The following SH3PXD2A variants were observed in gnomAD, a reference collection of about 807,000 sequenced individuals.
SH3PXD2A encodes SH3 and PX domain-containing protein 2A.
Under a neutral mutation model 115.2 loss-of-function variants are expected in SH3PXD2A, and 32 were observed. That is an observed-to-expected ratio of 0.28 (90% CI 0.21 to 0.37). SH3PXD2A has a LOEUF of 0.37. Ranked by LOEUF, SH3PXD2A falls within the 10% of genes least tolerant of loss-of-function variation. SH3PXD2A has a pLI of 1.00. For synonymous variants in SH3PXD2A, 610 were observed against 629.1 expected, an observed-to-expected ratio of 0.97 and a Z score of 0.45; for missense variants, 1,328 against 1,498.7, an observed-to-expected ratio of 0.89 and a Z score of 1.88.
intron 4 of SH3PXD2A, among the ~76,000 whole-genome samples, chr10:103,729,005 T>C (rs952176938): frequency 2.6e-5 from 4 of 151,844 alleles, no homozygotes; most frequent in African/African-American, 9.7e-5. Flanking sequence ...GCGATTCTCC[T>C]GTCTCAGCCT....
chr10:103,815,925 T>C (rs2039319701), intron 1 of SH3PXD2A, among the ~76,000 whole-genome samples: 1 of 151,686 alleles, frequency 6.6e-6, no homozygotes, highest in Non-Finnish European at 1.5e-5. Context: ...AAAAATACTG[T>C]ATAATCTCAT....
intron 8 of SH3PXD2A, among the ~76,000 whole-genome samples, chr10:103,647,293 T>A (rs1239559062): frequency 6.6e-6 from 1 of 152,158 alleles, no homozygotes; most frequent in Admixed American, 6.5e-5. Flanking sequence ...TGTCTCTGGG[T>A]CAGAGTTCCT....
chr10:103,727,511 G>T (rs2038255266), intron 4 of SH3PXD2A, among the ~76,000 whole-genome samples: 1 of 152,144 alleles, frequency 6.6e-6, no homozygotes, highest in Admixed American at 6.5e-5. Flanking sequence ...TCATTGCCGG[G>T]TGACCACCCT....
At chr10:103,807,232 C>T (rs947305042) in intron 1 of SH3PXD2A, among the ~76,000 whole-genome samples, 2 of 152,190 alleles carry the variant, frequency 1.3e-5, no homozygotes, top group African/African-American at 4.8e-5. Flanking sequence ...CACAGCCCAA[C>T]CATTCCTAGA....
intron 1 of SH3PXD2A, among the ~76,000 whole-genome samples, chr10:103,804,228 T>A (rs1202484061): frequency 2.6e-5 from 4 of 151,800 alleles, no homozygotes; most frequent in Non-Finnish European, 5.9e-5. Flanking sequence ...GTCTTTCAGG[T>A]TCAATGTTAG....
intron 2 of SH3PXD2A, among the ~76,000 whole-genome samples, chr10:103,776,348 A>G (rs2038877556): frequency 6.7e-6 from 1 of 149,582 alleles, no homozygotes; most frequent in African/African-American, 2.5e-5. Context: ...AGCCATGATC[A>G]TGCCACTGCA....
At chr10:103,608,251 C>T (rs1336760898) in intron 13 of SH3PXD2A, among the ~76,000 whole-genome samples, 3 of 148,958 alleles carry the variant, frequency 2.0e-5, no homozygotes, top group Non-Finnish European at 3.0e-5. Context: ...TCCCGGAAGC[C>T]GGGAGAGAGG....
At chr10:103,685,041 C>T (rs1236569409) in intron 6 of SH3PXD2A, among the ~76,000 whole-genome samples, 1 of 147,708 alleles carries the variant, frequency 6.8e-6, no homozygotes, top group Admixed American at 6.8e-5. Flanking sequence ...AAAACAAAAA[C>T]AAAAACAAAA....
intron 14 of SH3PXD2A, among the ~76,000 whole-genome samples, chr10:103,604,397 G>A (rs1025928501): frequency 2.6e-5 from 4 of 152,232 alleles, no homozygotes; most frequent in African/African-American, 9.6e-5. Flanking sequence ...TTGGTTTCCT[G>A]TAGGAAGGGC....
At position 103,855,179 on chromosome 10, in the gene SH3PXD2A, C is replaced by G. The variant is rs1442318919; in HGVS notation, c.72+16G>C. ...CTCGGGCCACCCCCAGCAGGGTCGG[C>G]GGGGGCTGTACTCACGTAGTGCTTG... On this transcript the variant is annotated intron_variant, in intron 1 of 14. Coordinates refer to ENST00000369774, the MANE Select transcript of SH3PXD2A (RefSeq NM_001394015.1). The G allele has an allele frequency of 1.3e-6, 2 of 1,517,980 alleles. No individual in the cohort carries two copies. Among genetic ancestry groups the G allele is most frequent in the African/African-American group, 2.8e-5 (2 of 71,160 alleles). 94.0% of individuals were successfully genotyped at this position (1,517,980 alleles called of 1,614,324 possible).
At chr10:103,798,371 G>A (rs2039114925) in intron 2 of SH3PXD2A, among the ~76,000 whole-genome samples, 1 of 152,106 alleles carries the variant, frequency 6.6e-6, no homozygotes, top group African/African-American at 2.4e-5. Flanking sequence ...GTGCAGTGGT[G>A]CAATCATAGC....
chr10:103,617,142 G>T, intron 11 of SH3PXD2A, 55 bp downstream of exon 11: 1 of 1,293,142 alleles, frequency 7.7e-7, no homozygotes, highest in Non-Finnish European at 1.1e-6. Flanking sequence ...TTTGCACTCT[G>T]CCCAGGGCCC....
intron 5 of SH3PXD2A, among the ~76,000 whole-genome samples, chr10:103,708,589 G>C (rs774645793): frequency 6.6e-6 from 1 of 152,192 alleles, no homozygotes; most frequent in South Asian, 2.1e-4. Flanking sequence ...GCCAGTCCCT[G>C]CGAGATGAAG....
intron 6 of SH3PXD2A, among the ~76,000 whole-genome samples, chr10:103,682,656 C>T (rs569552681): frequency 1.3e-5 from 2 of 151,784 alleles, no homozygotes; most frequent in South Asian, 2.1e-4. Flanking sequence ...ATTCAGGAGG[C>T]GGAGGCAGGA....
chr10:103,605,870 C>T lies in SH3PXD2A; in HGVS notation c.1356G>A (p.Glu452=). The stretch of plus-strand genomic sequence containing the variant: ...ACTGGAATTCGGCAATGGTGTAGTA[C>T]TCCACCTCAACAGAAGGGGGCTCTG... ...KPPEPPSVEV[E]YYTIAEFQSC... The change falls in exon 14 of 15, where the codon GAG becomes GAA. Residue 452 remains glutamate (E), a synonymous_variant. Coordinates refer to ENST00000369774, the MANE Select transcript of SH3PXD2A (RefSeq NM_001394015.1). 1.9e-6 allele frequency: 3 copies of T among 1,613,658 alleles called. No individual in the cohort carries two copies. The highest frequency in any genetic ancestry group is 2.5e-6 in the Non-Finnish European group (3 of 1,179,530).
intron 6 of SH3PXD2A, among the ~76,000 whole-genome samples, chr10:103,682,248 T>C (rs375780739): frequency 2.6e-5 from 4 of 152,164 alleles, no homozygotes; most frequent in Non-Finnish European, 4.4e-5. Context: ...TCCAGGCCAA[T>C]TGGGCAGTGG....
chr10:103,661,100 C>G lies in SH3PXD2A; in HGVS notation c.487G>C (p.Ala163Pro). The G allele has an allele frequency of 6.2e-7, 1 of 1,613,234 alleles. No homozygotes were observed. Among genetic ancestry groups the G allele is most frequent in the African/African-American group, 1.3e-5 (1 of 74,998 alleles). ...KKDVTGADATAEPMILEQYVV... is the reference protein window; with the variant it reads ...KKDVTGADATPEPMILEQYVV... ...TACTGTTCCAGGATCATGGGCTCGG[C>G]GGTGGCGTCGGCACCTGGCGAGGGC... The change falls in exon 8 of 15, where the codon GCC becomes CCC. Residue 163 changes from alanine (A) to proline (P), a missense_variant. Physicochemically the swap from Ala to Pro is conservative, Grantham distance 27. This residue lies in a region of SH3PXD2A where 90 missense variants were observed against 71.1 expected (regional missense o/e 1.27). Coordinates refer to ENST00000369774, the MANE Select transcript of SH3PXD2A (RefSeq NM_001394015.1).
intron 1 of SH3PXD2A, among the ~76,000 whole-genome samples, chr10:103,821,793 C>T (rs896726624): frequency 1.3e-5 from 2 of 152,190 alleles, no homozygotes; most frequent in Admixed American, 6.5e-5. Flanking sequence ...TCTCAAATTC[C>T]TGGAGTCAAG....
chr10:103,654,692 C>T (rs754102534), intron 8 of SH3PXD2A, among the ~76,000 whole-genome samples: 2 of 152,174 alleles, frequency 1.3e-5, no homozygotes, highest in African/African-American at 2.4e-5. Flanking sequence ...TTTGGGATTA[C>T]AGGCATAAGC....
Sources: gnomAD v4.1 joint callset for allele counts (sites outside exome capture counted in the v4.1 genomes callset) on GRCh38, gnomAD v4.1.1 for gene constraint, gnomAD v4.1.1 regional missense constraint, MANE v1.5 for transcripts, NCBI Gene and HGNC (gene_info 2026-07-23, HGNC 2026-07-21) for gene names.